NXPE2: variants seen among roughly 807,000 people sequenced by gnomAD.
NXPE2 encodes the protein neurexophilin and PC-esterase domain family member 2, also known as NXPE family member 2.
NXPE2 carries 34 observed loss-of-function variants against 34.4 expected under a neutral mutation model. The observed-to-expected ratio is 0.99, with a 90% CI of 0.75 to 1.31. The LOEUF is 1.31. Ranked by LOEUF, NXPE2 falls within the 40% of genes most tolerant of loss-of-function variation. The pLI is 0.00. For missense variants in NXPE2, 649 were observed against 672.5 expected, an observed-to-expected ratio of 0.97 and a Z score of 0.39; for synonymous variants, 235 against 231.3, an observed-to-expected ratio of 1.02 and a Z score of -0.15.
chr11:114,651,045 G>A, the NXPE2 span, among the ~76,000 whole-genome samples: 38 of 151,758 alleles, frequency 2.5e-4, no homozygotes, highest in Admixed American at 2.3e-3. Flanking sequence ...GTACATTGAA[G>A]GTAATAATAT....
intron 2 of NXPE2, among the ~76,000 whole-genome samples, chr11:114,683,971 T>C (rs1950996300): frequency 6.6e-6 from 1 of 152,154 alleles, no homozygotes; most frequent in East Asian, 1.9e-4. Context: ...ACTGCATGGC[T>C]GTTGATCTCA....
the NXPE2 span, among the ~76,000 whole-genome samples, chr11:114,777,295 T>C: frequency 2.2e-3 from 328 of 152,342 alleles, 3 homozygotes; most frequent in Middle Eastern, 0.014. Flanking sequence ...TACAGGAATG[T>C]GAGTTCACTA....
chr11:114,619,074 G>A, the NXPE2 span, among the ~76,000 whole-genome samples: 1 of 151,986 alleles, frequency 6.6e-6, no homozygotes, highest in African/African-American at 2.4e-5. Flanking sequence ...TGGATAATAA[G>A]TATTGCATCA....
chr11:114,493,055 TG>T, the NXPE2 span, among the ~76,000 whole-genome samples: 11 of 152,322 alleles, frequency 7.2e-5, no homozygotes, highest in Admixed American at 3.9e-4. Flanking sequence ...TATTATATAA[TG>T]CCCTTCTTTG....
chr11:114,629,176 G>A, the NXPE2 span, among the ~76,000 whole-genome samples: 825 of 152,114 alleles, frequency 5.4e-3, 20 homozygotes, highest in African/African-American at 0.019. Flanking sequence ...ATTTTATGAG[G>A]CCAGCATCAT....
the NXPE2 span, among the ~76,000 whole-genome samples, chr11:114,602,919 TAATC>T: frequency 2.1e-4 from 31 of 149,074 alleles, no homozygotes; most frequent in African/African-American, 7.6e-4. Flanking sequence ...TCATATATAA[TAATC>T]TAATATATAA....
At chr11:114,618,276 G>A in the NXPE2 span, among the ~76,000 whole-genome samples, 5 of 152,030 alleles carry the variant, frequency 3.3e-5, no homozygotes, top group Non-Finnish European at 7.4e-5. Flanking sequence ...TGGATAATAA[G>A]TATTACCGCA....
At chr11:114,689,959 A>G (rs1591433352) in intron 2 of NXPE2, among the ~76,000 whole-genome samples, 1 of 152,176 alleles carries the variant, frequency 6.6e-6, no homozygotes, top group South Asian at 2.1e-4. Flanking sequence ...CCACCCCTTT[A>G]CTATGATCCT....
the NXPE2 span, among the ~76,000 whole-genome samples, chr11:114,622,580 C>T: frequency 1.1e-3 from 163 of 151,668 alleles, 1 homozygote; most frequent in African/African-American, 3.7e-3. Context: ...CACTGCTACC[C>T]GGTGGGTAAT....
At chr11:114,563,939 A>AT in the NXPE2 span, among the ~76,000 whole-genome samples, 2 of 152,164 alleles carry the variant, frequency 1.3e-5, no homozygotes, top group Non-Finnish European at 2.9e-5. Flanking sequence ...AAAAGTAGAT[A>AT]TACCACTACT....
chr11:114,669,175 T>C, the NXPE2 span, among the ~76,000 whole-genome samples: 5 of 152,106 alleles, frequency 3.3e-5, no homozygotes, highest in South Asian at 4.1e-4. Flanking sequence ...ACAATCATAA[T>C]TGATGCACAT....
chr11:114,523,134 T>C, the NXPE2 span: 3 of 1,388,362 alleles, frequency 2.2e-6, no homozygotes, highest in Non-Finnish European at 3.1e-6. Flanking sequence ...TGGCAAAACT[T>C]AGACATCTAG....
the NXPE2 span, among the ~76,000 whole-genome samples, chr11:114,670,056 A>G: frequency 2.6e-4 from 40 of 152,182 alleles, no homozygotes; most frequent in African/African-American, 9.6e-4. Context: ...GTAGAGCCCT[A>G]TAGAATTAGA....
chr11:114,475,754 A>G, the NXPE2 span, among the ~76,000 whole-genome samples: 1 of 152,176 alleles, frequency 6.6e-6, no homozygotes, highest in Non-Finnish European at 1.5e-5. Flanking sequence ...TTCCAGTGAC[A>G]TCGCTTTTTG....
rs777304576 is a variant in NXPE2 at position 114,678,602 on chromosome 11, G to T, written c.26+1G>T. 6.5e-7 allele frequency: 1 copy of T among 1,548,598 alleles called. No individual in the cohort carries two copies. Among genetic ancestry groups the T allele is most frequent in the South Asian group, 1.2e-5 (1 of 83,984 alleles). ...TGGTGGAGAAAATACTCATCCATAG[G>T]TGTGGTACTTTCCAACTCTTACTGC... On this transcript the variant is annotated splice_donor_variant, in intron 1 of 5. Coordinates refer to ENST00000389586, the MANE Select transcript of NXPE2 (RefSeq NM_182495.6). LOFTEE classifies it high-confidence loss of function.
the NXPE2 span, among the ~76,000 whole-genome samples, chr11:114,508,305 A>C: frequency 6.6e-6 from 1 of 152,364 alleles, no homozygotes; most frequent in African/African-American, 2.4e-5. Context: ...ATATTGTTAA[A>C]TGGCCATACT....
the NXPE2 span, among the ~76,000 whole-genome samples, chr11:114,598,250 G>T: frequency 6.6e-6 from 1 of 152,256 alleles, no homozygotes; most frequent in East Asian, 1.9e-4. Flanking sequence ...AACGCAAGGG[G>T]TGGGCTCCCA....
At chr11:114,581,840 A>C in the NXPE2 span, 1 of 1,203,038 alleles carries the variant, frequency 8.3e-7, no homozygotes, top group Non-Finnish European at 1.2e-6. Context: ...ATCAGGAAAC[A>C]TACAGAAACT....
the NXPE2 span, among the ~76,000 whole-genome samples, chr11:114,759,170 T>G: frequency 6.6e-6 from 1 of 152,210 alleles, no homozygotes; most frequent in Non-Finnish European, 1.5e-5. Flanking sequence ...TCCAGCTGAT[T>G]GCTCAATTTC....
Sources: allele counts gnomAD v4.1 joint callset (sites outside exome capture counted in the v4.1 genomes callset), GRCh38; gene constraint gnomAD v4.1.1; transcripts MANE v1.5; gene names NCBI Gene and HGNC (gene_info 2026-07-23, HGNC 2026-07-21).